Variants in TRDN observed in about 807,000 individuals in gnomAD.
TRDN encodes the protein triadin in skeletal muscle.
TRDN carries 161 observed loss-of-function variants against 149.7 expected under a neutral mutation model. The observed-to-expected ratio is 1.08, with a 90% CI of 0.95 to 1.23. The LOEUF is 1.23. TRDN is among the 50% of genes most tolerant of loss of function. The pLI is 0.00. For synonymous variants in TRDN, 294 were observed against 250.5 expected (o/e 1.17, Z -1.64); for missense variants, 896 against 823.5 (o/e 1.09, Z -1.08).
chr6:123,586,310 G>A (rs1029121327), intron 1 of TRDN, among the ~76,000 whole-genome samples: 11 of 152,142 alleles, frequency 7.2e-5, no homozygotes, highest in South Asian at 6.2e-4. Flanking sequence ...ACCGGAGGCT[G>A]AGGAAGAATT....
At chr6:123,256,040 T>C (rs1333288200) in intron 35 of TRDN, 138 bp from the exon 36 acceptor site, 1 of 363,276 alleles carries the variant, frequency 2.8e-6, no homozygotes, top group African/African-American at 2.1e-5. Flanking sequence ...GCTGCACCCG[T>C]CAACCCATCA....
chr6:123,303,427 A>C (rs1464614088), intron 24 of TRDN, among the ~76,000 whole-genome samples: 1 of 152,198 alleles, frequency 6.6e-6, no homozygotes, highest in Non-Finnish European at 1.5e-5. Context: ...GCTAAGACAC[A>C]AGGTTAGAAT....
chr6:123,451,811 C>A lies in TRDN; in HGVS notation c.932-12808G>T, dbSNP rs1258536367. ...CATAATGAAAAATGAAAACTACAGA[C>A]CAATATCCTTGATGAACATAAATGT... On this transcript the variant is annotated intron_variant, in intron 10 of 40. Coordinates refer to ENST00000334268, the MANE Select transcript of TRDN (RefSeq NM_006073.4). Among the ~76,000 whole-genome samples the A allele has an allele frequency of 5.3e-5, 8 of 152,186 alleles. No homozygotes were observed. The East Asian group carries it at 1.5e-3, about 29-fold the overall frequency.
At chr6:123,249,982 G>T (rs1776318797) in intron 38 of TRDN, among the ~76,000 whole-genome samples, 1 of 152,052 alleles carries the variant, frequency 6.6e-6, no homozygotes, top group African/African-American at 2.4e-5. Context: ...TTCTAGATTT[G>T]ATAAATAAAT....
chr6:123,520,286 G>A (rs1307726073), intron 5 of TRDN, among the ~76,000 whole-genome samples: 1 of 152,092 alleles, frequency 6.6e-6, no homozygotes, highest in Non-Finnish European at 1.5e-5. Context: ...ATATAAGCAT[G>A]CAATTTCAGA....
rs569158952 is a variant in TRDN at position 123,331,738 on chromosome 6, A to G, written c.1471+141T>C. On this transcript the variant is annotated intron_variant, in intron 23 of 40. Transcript: ENST00000334268. The stretch of plus-strand genomic sequence containing the variant: ...TTTAGAATTTAATGATGGAATATAA[A>G]TCTTTTTTCTTTTGCTTAAAAACAT... 80 of 537,178 alleles carry G rather than the reference A, an allele frequency of 1.5e-4. No homozygotes were observed. In the Middle Eastern group the frequency reaches 3.4e-3, roughly 23 times the overall value. 33.3% of individuals were successfully genotyped at this position (537,178 alleles called of 1,614,324 possible).
intron 1 of TRDN, among the ~76,000 whole-genome samples, chr6:123,597,206 A>C (rs1784077906): frequency 6.6e-6 from 1 of 152,100 alleles, no homozygotes; most frequent in African/African-American, 2.4e-5. Flanking sequence ...TAAGGGGTTC[A>C]AGACTTCCGT....
intron 9 of TRDN, among the ~76,000 whole-genome samples, chr6:123,492,253 A>C (rs1778253148): frequency 6.6e-6 from 1 of 152,192 alleles, no homozygotes; most frequent in Non-Finnish European, 1.5e-5. Flanking sequence ...TGAAATTTTA[A>C]TAGTGGAATA....
intron 1 of TRDN, among the ~76,000 whole-genome samples, chr6:123,592,461 C>T (rs1231813053): frequency 6.6e-6 from 1 of 152,110 alleles, no homozygotes; most frequent in Non-Finnish European, 1.5e-5. Flanking sequence ...TAGAGACAGG[C>T]AGGACGTCAC....
At chr6:123,456,171 CAT>C (rs1384621215) in intron 10 of TRDN, among the ~76,000 whole-genome samples, 10 of 152,244 alleles carry the variant, frequency 6.6e-5, no homozygotes, top group Middle Eastern at 3.4e-3. Flanking sequence ...ATATGGGACA[CAT>C]GTGTAAGTCT....
intron 2 of TRDN, among the ~76,000 whole-genome samples, chr6:123,568,481 C>T (rs1782402129): frequency 6.6e-6 from 1 of 152,246 alleles, no homozygotes. Context: ...TCTGTTTGGG[C>T]TCTGCCACTG....
chr6:123,590,505 C>T (rs1413586684), intron 1 of TRDN, among the ~76,000 whole-genome samples: 1 of 152,122 alleles, frequency 6.6e-6, no homozygotes, highest in Admixed American at 6.6e-5. Context: ...TGGCTCACAC[C>T]TGTAATCCCA....
chr6:123,240,082 A>T (rs1459650765), intron 38 of TRDN, among the ~76,000 whole-genome samples: 1 of 152,004 alleles, frequency 6.6e-6, no homozygotes, highest in Non-Finnish European at 1.5e-5. Context: ...ATGTCATAAA[A>T]TTAGAAAAAA....
chr6:123,323,946 T>C (rs190447615), intron 23 of TRDN, among the ~76,000 whole-genome samples: 1 of 152,284 alleles, frequency 6.6e-6, no homozygotes, highest in Admixed American at 6.5e-5. Flanking sequence ...GGTGGCTGCA[T>C]GCATTTGTAG....
chr6:123,490,584 A>G (rs997712684), intron 9 of TRDN, among the ~76,000 whole-genome samples: 1 of 152,200 alleles, frequency 6.6e-6, no homozygotes, highest in African/African-American at 2.4e-5. Context: ...GCCCTTTAAC[A>G]GGAAGGAATT....
intron 5 of TRDN, among the ~76,000 whole-genome samples, chr6:123,519,503 A>G (rs1347940288): frequency 6.7e-6 from 1 of 148,810 alleles, no homozygotes; most frequent in African/African-American, 2.5e-5. Flanking sequence ...AACAGGGAAA[A>G]CACTCCCTTG....
intron 20 of TRDN, among the ~76,000 whole-genome samples, chr6:123,358,103 T>G (rs1052647436): frequency 6.6e-6 from 1 of 152,200 alleles, no homozygotes; most frequent in Non-Finnish European, 1.5e-5. Context: ...CAGTTTCTCT[T>G]TCTATACCAC....
At chr6:123,298,074 CA>C (rs1169446980) in intron 24 of TRDN, among the ~76,000 whole-genome samples, 1 of 151,572 alleles carries the variant, frequency 6.6e-6, no homozygotes, top group Non-Finnish European at 1.5e-5. Flanking sequence ...AATTAAAAAA[CA>C]AAAAAACAAA....
intron 9 of TRDN, among the ~76,000 whole-genome samples, chr6:123,492,203 G>A (rs1031040499): frequency 1.3e-5 from 2 of 152,022 alleles, no homozygotes; most frequent in Non-Finnish European, 1.5e-5. Context: ...ATAAATTACC[G>A]TGACATAATT....
Sources: gnomAD v4.1 joint callset for allele counts (sites outside exome capture counted in the v4.1 genomes callset) on GRCh38, gnomAD v4.1.1 for gene constraint, MANE v1.5 for transcripts, NCBI Gene and HGNC (gene_info 2026-07-23, HGNC 2026-07-21) for gene names.